Variants in TENM4 observed in about 807,000 individuals in gnomAD.
TENM4 encodes teneurin transmembrane protein 4.
Under a neutral mutation model 243.3 loss-of-function variants are expected in TENM4, and 82 were observed. The observed-to-expected ratio is 0.34, with a 90% CI of 0.28 to 0.40. TENM4 has a LOEUF of 0.40. TENM4 is among the 10% of genes least tolerant of loss of function. TENM4 has a pLI of 1.00. For synonymous variants in TENM4, 1,412 were observed against 1,456.3 expected, an observed-to-expected ratio of 0.97 and a Z score of 0.69; for missense variants, 3,138 against 3,673.3, an observed-to-expected ratio of 0.85 and a Z score of 3.77.
chr11:79,207,883 A>C (rs1863880836), intron 3 of TENM4, among the ~76,000 whole-genome samples: 2 of 151,600 alleles, frequency 1.3e-5, no homozygotes, highest in Admixed American at 1.3e-4. Flanking sequence ...AAAAAAAAAA[A>C]AAAAAAAGTG....
At chr11:79,252,866 C>A (rs1855636119) in intron 2 of TENM4, among the ~76,000 whole-genome samples, 1 of 152,136 alleles carries the variant, frequency 6.6e-6, no homozygotes, top group Admixed American at 6.5e-5. Context: ...GATCAGCTGA[C>A]CCCAGCTCAC....
chr11:79,231,978 G>A (rs1166626524), intron 2 of TENM4, among the ~76,000 whole-genome samples: 3 of 152,228 alleles, frequency 2.0e-5, no homozygotes, highest in Non-Finnish European at 4.4e-5. Context: ...TACTTGGGAA[G>A]CTGAGGCAGG....
At chr11:79,334,606 C>A (rs1857117871) in intron 1 of TENM4, among the ~76,000 whole-genome samples, 1 of 152,136 alleles carries the variant, frequency 6.6e-6, no homozygotes, top group South Asian at 2.1e-4. Context: ...CTCCAACCAT[C>A]CTCAGGAAAA....
At chr11:79,002,098 AC>A (rs980310774) in intron 6 of TENM4, among the ~76,000 whole-genome samples, 2 of 132,200 alleles carry the variant, frequency 1.5e-5, no homozygotes, top group East Asian at 2.3e-4. Flanking sequence ...TGCCATCCCC[AC>A]CCCCCCACTG....
intron 18 of TENM4, among the ~76,000 whole-genome samples, chr11:78,764,162 G>A (rs902015973): frequency 3.3e-5 from 5 of 152,234 alleles, no homozygotes; most frequent in African/African-American, 1.2e-4. Flanking sequence ...CCAGCTTGCT[G>A]TGACTTTCAC....
At chr11:78,941,622 C>T (rs973201230) in intron 6 of TENM4, among the ~76,000 whole-genome samples, 2 of 152,184 alleles carry the variant, frequency 1.3e-5, no homozygotes, top group Non-Finnish European at 2.9e-5. Flanking sequence ...GGGTGTCCCA[C>T]AAGCAGCAGG....
chr11:78,935,903 C>T (rs1030529036), intron 6 of TENM4, among the ~76,000 whole-genome samples: 1 of 152,174 alleles, frequency 6.6e-6, no homozygotes, highest in Non-Finnish European at 1.5e-5. Flanking sequence ...GCAGATCACC[C>T]AGTGTCCCTG....
At chr11:79,295,485 G>T (rs1207094010) in intron 2 of TENM4, among the ~76,000 whole-genome samples, 1 of 152,174 alleles carries the variant, frequency 6.6e-6, no homozygotes, top group African/African-American at 2.4e-5. Flanking sequence ...AGCTCAAAGT[G>T]CTTCCTAAAC....
At chr11:78,814,497 C>G (rs1857564336) in intron 12 of TENM4, 102 bp from the exon 13 acceptor site, 1 of 904,070 alleles carries the variant, frequency 1.1e-6, no homozygotes, top group Non-Finnish European at 1.7e-6. Context: ...CATATTTGAG[C>G]TCTTGTGGCC....
At chr11:78,690,756 C>T (rs573088980) in intron 28 of TENM4, among the ~76,000 whole-genome samples, 3 of 152,144 alleles carry the variant, frequency 2.0e-5, no homozygotes, top group Non-Finnish European at 2.9e-5. Context: ...AAGCTGGGTC[C>T]GGTCAGATCC....
At chr11:79,415,447 T>C (rs1278183420) in intron 1 of TENM4, among the ~76,000 whole-genome samples, 3 of 152,230 alleles carry the variant, frequency 2.0e-5, no homozygotes, top group African/African-American at 7.2e-5. Flanking sequence ...ATTTGGGTCA[T>C]CCACTATAGG....
chr11:78,918,420 T>A (rs538679040), intron 6 of TENM4, among the ~76,000 whole-genome samples: 1 of 151,570 alleles, frequency 6.6e-6, no homozygotes, highest in South Asian at 2.1e-4. Flanking sequence ...TGGAATATTT[T>A]ATTTTTCCAA....
intron 6 of TENM4, among the ~76,000 whole-genome samples, chr11:78,906,673 C>T (rs1325681640): frequency 6.6e-6 from 1 of 152,196 alleles, no homozygotes; most frequent in East Asian, 1.9e-4. Context: ...AACTGCCTCC[C>T]CGTCCAGAAA....
intron 25 of TENM4, among the ~76,000 whole-genome samples, chr11:78,713,921 A>T (rs568162561): frequency 6.6e-6 from 1 of 152,210 alleles, no homozygotes; most frequent in South Asian, 2.1e-4. Context: ...TGGTCTGAAC[A>T]TTTGCCGGGC....
In TENM4 at chr11:78,856,008, C is replaced by T. The variant is rs764288669; in HGVS notation, c.1426G>A (p.Val476Ile). 6.4e-6 allele frequency: 10 copies of T among 1,551,716 alleles called. No homozygotes were observed. The highest frequency in any genetic ancestry group is 8.7e-6 in the Non-Finnish European group (10 of 1,146,990). ...FNVSLGKAAL[V>I]GIYGRKGLPP... ...AGGCCTTTTCTGCCATAAATGCCAA[C>T]CAGGGCTGCCTTTCCCAGAGACACA... The change falls in exon 11 of 34, where the codon GTT (valine) becomes ATT (isoleucine). Residue 476 changes from valine (V) to isoleucine (I), a missense_variant. Coordinates refer to ENST00000278550, the MANE Select transcript of TENM4 (RefSeq NM_001098816.3).
chr11:78,757,695 T>A (rs1246775656), intron 18 of TENM4, among the ~76,000 whole-genome samples: 1 of 152,248 alleles, frequency 6.6e-6, no homozygotes, highest in Non-Finnish European at 1.5e-5. Context: ...CCCTGGTGAC[T>A]GCCTGGCTTT....
chr11:79,337,020 C>T (rs539273797), intron 1 of TENM4, among the ~76,000 whole-genome samples: 16 of 152,292 alleles, frequency 1.1e-4, no homozygotes, highest in African/African-American at 3.8e-4. Flanking sequence ...ATGCAATAGC[C>T]GAGGGGACAA....
intron 12 of TENM4, among the ~76,000 whole-genome samples, chr11:78,816,191 C>T (rs1857601690): frequency 6.6e-6 from 1 of 152,236 alleles, no homozygotes; most frequent in Non-Finnish European, 1.5e-5. Flanking sequence ...TAGCCCTGGC[C>T]TTGAGCCAAA....
Position 78,770,098 on chromosome 11 carries a change from G to C in TENM4, c.2539+894C>G, listed in dbSNP as rs78695855. On this transcript the variant is annotated intron_variant, in intron 18 of 33. Coordinates refer to ENST00000278550, the MANE Select transcript of TENM4 (RefSeq NM_001098816.3). ...TGTTAGGCCATCACTAGGAAGAAAG[G>C]GTTAACTGTTTTGATGTTTTTTCAT... Among the ~76,000 whole-genome samples the C allele has an allele frequency of 9.8e-3, 1,500 of 152,286 alleles. 28 individuals are homozygous for C. Among genetic ancestry groups the C allele is most frequent in the African/African-American group, 0.034 (1,432 of 41,556 alleles).
Sources: allele counts gnomAD v4.1 joint callset (sites outside exome capture counted in the v4.1 genomes callset), GRCh38; gene constraint gnomAD v4.1.1; transcripts MANE v1.5; gene names NCBI Gene and HGNC (gene_info 2026-07-23, HGNC 2026-07-21).